The following CRYBG1 variants were observed in gnomAD, a reference collection of about 807,000 sequenced individuals.
The protein encoded by CRYBG1 is crystallin beta-gamma domain containing 1, also known as beta/gamma crystallin domain-containing protein 1.
A neutral mutation model predicts 189.2 loss-of-function variants in CRYBG1; 139 were observed. The observed-to-expected ratio is 0.73, with a 90% CI of 0.64 to 0.85. The LOEUF (loss-of-function observed/expected upper bound fraction) is 0.85, where lower values mean the gene tolerates loss of function less well. Among genes scored for constraint, CRYBG1 ranks in the 40% least tolerant of loss-of-function variants. The pLI is 0.00. For synonymous variants in CRYBG1, 1,023 were observed against 1,017.1 expected (o/e 1.01, Z -0.11); for missense variants, 2,611 against 2,675.8 (o/e 0.98, Z 0.53).
rs916531401 is a variant in CRYBG1 at position 106,571,390 on chromosome 6, G to C, written c.*2824G>C. On this transcript the variant is annotated 3_prime_UTR_variant, in exon 22 of 22. Coordinates refer to ENST00000633556, the MANE Select transcript of CRYBG1 (RefSeq NM_001371242.2). ...GCCAACATCCATCTATACACTGAAA[G>C]TTTTAGTATTGTACATTAAGACGAT... The C allele has an allele frequency of 2.6e-5, 4 of 152,248 alleles. No individual in the cohort carries two copies. Among genetic ancestry groups the C allele is most frequent in the African/African-American group, 9.7e-5 (4 of 41,448 alleles). The allele number at this position is 152,248 out of a possible 1,614,324, so 9.4% of individuals were successfully genotyped here. A position where few individuals can be genotyped will look rare whatever the true frequency, so the allele number is the denominator to read the frequency against.
At chr6:106,552,132 C>A in intron 14 of CRYBG1, 52 bp from the exon 15 acceptor site, 1 of 1,515,820 alleles carries the variant, frequency 6.6e-7, no homozygotes, top group South Asian at 1.2e-5. Context: ...AAAACTTTTT[C>A]AATGTGTTTG....
chr6:106,565,588 C>T (rs1562122800), intron 21 of CRYBG1, among the ~76,000 whole-genome samples: 1 of 152,042 alleles, frequency 6.6e-6, no homozygotes, highest in Non-Finnish European at 1.5e-5. Flanking sequence ...TTAAAGGGGG[C>T]ACTTAGGGAA....
chr6:106,469,292 T>C (rs929475906), intron 2 of CRYBG1, among the ~76,000 whole-genome samples: 2 of 152,260 alleles, frequency 1.3e-5, no homozygotes, highest in Non-Finnish European at 1.5e-5. Flanking sequence ...CAGACATGAC[T>C]GCCTCAACCT....
At position 106,560,801 on chromosome 6, in the gene CRYBG1, A is replaced by C. The variant is rs2114597502; in HGVS notation, c.5856-2A>C. 3.7e-6 allele frequency: 6 copies of C among 1,602,408 alleles called. No individual in the cohort carries two copies. Among genetic ancestry groups the C allele is most frequent in the Non-Finnish European group, 5.1e-6 (6 of 1,175,642 alleles). On this transcript the variant is annotated splice_acceptor_variant, in intron 18 of 21. Transcript: ENST00000633556. LOFTEE classifies it high-confidence loss of function. ...ACTTACTGTGGTTATTTTTGTTTTCAGATGGGTTACTTATGAATATGGCAG... is the reference window on the plus strand; with the variant it reads ...ACTTACTGTGGTTATTTTTGTTTTCCGATGGGTTACTTATGAATATGGCAG...
intron 1 of CRYBG1, among the ~76,000 whole-genome samples, chr6:106,402,825 A>C (rs1770746843): frequency 6.6e-6 from 1 of 152,080 alleles, no homozygotes; most frequent in African/African-American, 2.4e-5. Context: ...TAATTAGCTC[A>C]ACAGTGTGCA....
intron 1 of CRYBG1, among the ~76,000 whole-genome samples, chr6:106,448,617 A>T (rs1043225971): frequency 6.6e-6 from 1 of 152,234 alleles, no homozygotes; most frequent in Non-Finnish European, 1.5e-5. Flanking sequence ...CTCAAATTCC[A>T]TCTTAAATAT....
chr6:106,475,024 T>G (rs1772308071), intron 2 of CRYBG1, among the ~76,000 whole-genome samples: 1 of 152,252 alleles, frequency 6.6e-6, no homozygotes, highest in Admixed American at 6.5e-5. Context: ...TTCTTAATTC[T>G]TTTAACCTTT....
intron 10 of CRYBG1, among the ~76,000 whole-genome samples, 174 bp downstream of exon 10, chr6:106,541,795 C>A (rs1249622455): frequency 6.6e-6 from 1 of 152,156 alleles, no homozygotes; most frequent in Non-Finnish European, 1.5e-5. Flanking sequence ...TGCCAACTTA[C>A]ACTTGCCATC....
intron 1 of CRYBG1, among the ~76,000 whole-genome samples, chr6:106,449,926 A>T (rs557215674): frequency 1.4e-4 from 22 of 152,334 alleles, no homozygotes; most frequent in Admixed American, 5.2e-4. Flanking sequence ...GTGACTTTTT[A>T]AAAAAGTATG....
intron 17 of CRYBG1, 150 bp from the exon 18 acceptor site, chr6:106,558,336 A>C (rs1247669032): frequency 1.5e-5 from 9 of 607,934 alleles, no homozygotes; most frequent in Non-Finnish European, 2.5e-5. Flanking sequence ...TGGAGTACAC[A>C]AACATCCAGG....
intron 3 of CRYBG1, among the ~76,000 whole-genome samples, chr6:106,514,017 A>T (rs530120123): frequency 1.3e-5 from 2 of 152,368 alleles, no homozygotes; most frequent in Admixed American, 1.3e-4. Context: ...AAAAGCACAC[A>T]AATCAAATAA....
chr6:106,442,489 GC>G lies in CRYBG1; in HGVS notation c.174-9203del, dbSNP rs572595352. Among the ~76,000 whole-genome samples the G allele has an allele frequency of 1.5e-3, 235 of 152,294 alleles. 1 individual carries two copies. Among genetic ancestry groups the G allele is most frequent in the Admixed American group, 4.7e-3 (72 of 15,282 alleles). On this transcript the variant is annotated intron_variant, in intron 1 of 21. Coordinates refer to ENST00000633556, the MANE Select transcript of CRYBG1 (RefSeq NM_001371242.2). ...CTATAAAGTTAACTTCAAAGTGTGT[GC>G]CATCACCACAGACTTCTGGAAAATA...
chr6:106,383,755 G>A (rs946075850), intron 1 of CRYBG1, among the ~76,000 whole-genome samples: 1 of 152,084 alleles, frequency 6.6e-6, no homozygotes, highest in African/African-American at 2.4e-5. Context: ...GCTCATATTT[G>A]GCAAGTTTGC....
At chr6:106,474,161 C>T (rs1367944059) in intron 2 of CRYBG1, among the ~76,000 whole-genome samples, 1 of 152,168 alleles carries the variant, frequency 6.6e-6, no homozygotes, top group East Asian at 1.9e-4. Context: ...TACACTTTTG[C>T]CAGTGTGTTT....
At chr6:106,517,074 A>T (rs1438823133) in intron 3 of CRYBG1, among the ~76,000 whole-genome samples, 4 of 141,430 alleles carry the variant, frequency 2.8e-5, no homozygotes, top group Non-Finnish European at 6.0e-5. Context: ...CAGTGGCATG[A>T]CCATAGCTCA....
intron 1 of CRYBG1, among the ~76,000 whole-genome samples, chr6:106,398,253 G>A (rs973141408): frequency 1.3e-5 from 2 of 151,962 alleles, no homozygotes; most frequent in Admixed American, 1.3e-4. Flanking sequence ...GTTGGCTCAC[G>A]CCTGTAATCC....
chr6:106,475,597 C>T (rs192198403), intron 2 of CRYBG1, among the ~76,000 whole-genome samples: 10 of 152,220 alleles, frequency 6.6e-5, no homozygotes, highest in East Asian at 5.8e-4. Context: ...TTAGAGTGGA[C>T]GGTCTGTGCG....
At chr6:106,534,867 C>G (rs1227440250) in intron 8 of CRYBG1, among the ~76,000 whole-genome samples, 2 of 151,898 alleles carry the variant, frequency 1.3e-5, no homozygotes, top group Non-Finnish European at 2.9e-5. Flanking sequence ...CGAACAAAAG[C>G]AAAGAAGTTT....
At position 106,391,321 on chromosome 6, in the gene CRYBG1, A is replaced by G. The variant is rs980807982; in HGVS notation, c.173+30240A>G. 9.2e-5 allele frequency among the ~76,000 whole-genome samples: 14 copies of G among 152,278 alleles called. No homozygotes were observed. The East Asian group carries it at 2.7e-3, about 29-fold the overall frequency. ...GGTCTTGATCTCCTGACCTCAGGTG[A>G]TCTGCCCACCTAGGCCTCCCAAAGT... On this transcript the variant is annotated intron_variant, in intron 1 of 21. Coordinates refer to ENST00000633556, the MANE Select transcript of CRYBG1 (RefSeq NM_001371242.2).
Sources: allele counts gnomAD v4.1 joint callset (sites outside exome capture counted in the v4.1 genomes callset), GRCh38; gene constraint gnomAD v4.1.1; transcripts MANE v1.5; gene names NCBI Gene and HGNC (gene_info 2026-07-23, HGNC 2026-07-21).